Variants in RELT observed in about 807,000 individuals in gnomAD.
RELT encodes tumor necrosis factor receptor superfamily member 19L.
A neutral mutation model predicts 51.1 loss-of-function variants in RELT; 37 were observed. The ratio of observed to expected loss-of-function variants is 0.72; its 90% CI spans 0.56 to 0.95. RELT has a LOEUF of 0.95. Ranked by LOEUF, RELT falls within the 40% of genes least tolerant of loss-of-function variation. The pLI is 0.00. For missense variants in RELT, 535 were observed against 572.6 expected (o/e 0.93, Z 0.67); for synonymous variants, 241 against 235.7 (o/e 1.02, Z -0.21).
rs1362863635 is a variant in RELT at position 73,389,175 on chromosome 11, C to T, written c.39C>T (p.Phe13=). Residue 13 remains phenylalanine, a synonymous_variant, in exon 2 of 11, where the codon TTC becomes TTT. Coordinates refer to ENST00000064780, the MANE Select transcript of RELT (RefSeq NM_152222.2). The part of the protein sequence containing the change: ...PSLLCRPLSC[F]LMLLPWPLAT... ...TGCTGTGCCGGCCCCTGTCCTGCTT[C>T]CTTATGGTGAGCTGGGGATGGGCCC... 3.2e-5 allele frequency: 49 copies of T among 1,548,018 alleles called. No individual in the cohort carries two copies. The highest frequency in any genetic ancestry group is 4.1e-5 in the Non-Finnish European group (47 of 1,146,184).
chr11:73,384,809 G>A (rs899802809), intron 1 of RELT, among the ~76,000 whole-genome samples: 6 of 152,226 alleles, frequency 3.9e-5, no homozygotes, highest in Non-Finnish European at 7.3e-5. Flanking sequence ...CAGGCAGCTC[G>A]TGGTGGGGAA....
At chr11:73,391,352 C>A in intron 5 of RELT, 129 bp downstream of exon 5, 1 of 840,870 alleles carries the variant, frequency 1.2e-6, no homozygotes, top group Middle Eastern at 3.4e-4. Context: ...CAGGGCAGGG[C>A]GTGCAGCCAA....
intron 1 of RELT, among the ~76,000 whole-genome samples, chr11:73,386,193 G>A (rs1327757826): frequency 6.6e-6 from 1 of 152,166 alleles, no homozygotes; most frequent in South Asian, 2.1e-4. Flanking sequence ...TGGGAGGAGT[G>A]GCCTCTAAGC....
At position 73,392,369 on chromosome 11, in the gene RELT, G is replaced by C; in HGVS notation, c.526G>C (p.Gly176Arg). 6.2e-7 allele frequency: 1 copy of C among 1,613,898 alleles called. No individual in the cohort carries two copies. The highest frequency in any genetic ancestry group is 2.2e-5 in the East Asian group (1 of 44,878). ...IAIVPVFCLM[G>R]LLGILVCNLL... is the part of the protein sequence containing the mutation. ...CATCGTCCCTGTCTTCTGCCTCATGGGGCTGTTGGGCATCCTGGTGTGCAA... is the reference window on the plus strand; with the variant it reads ...CATCGTCCCTGTCTTCTGCCTCATGCGGCTGTTGGGCATCCTGGTGTGCAA... Residue 176 changes from glycine to arginine, a missense_variant, in exon 6 of 11, where the codon GGG becomes CGG. By Grantham distance (125) the Gly-to-Arg change is moderately radical. Transcript: ENST00000064780.
In RELT at chr11:73,394,635, C is replaced by A; in HGVS notation, c.947C>A (p.Thr316Asn). 1 of 1,613,836 alleles carries A rather than the reference C, an allele frequency of 6.2e-7. No individual in the cohort carries two copies. ...CTGTCCCCTGAGGCTGTAGCCGCCACTACTCCTGTTCCCAGCCTTCTGCCT... is the reference window on the plus strand; with the variant it reads ...CTGTCCCCTGAGGCTGTAGCCGCCAATACTCCTGTTCCCAGCCTTCTGCCT... ...VLLSPEAVAA[T>N]TPVPSLLPNP... The change falls in exon 9 of 11, where the codon ACT becomes AAT. Residue 316 changes from threonine (T) to asparagine (N), a missense_variant. Coordinates refer to ENST00000064780, the MANE Select transcript of RELT (RefSeq NM_152222.2). The surrounding 1 kb of genome is among the most constrained non-coding windows in gnomAD (Gnocchi z 4.9).
chr11:73,388,543 G>C lies in RELT; in HGVS notation c.-25-569G>C, dbSNP rs770049203. 6.6e-6 allele frequency among the ~76,000 whole-genome samples: 1 copy of C among 152,212 alleles called. No homozygotes were observed. The highest frequency in any genetic ancestry group is 1.5e-5 in the Non-Finnish European group (1 of 68,012). On this transcript the variant is annotated intron_variant, in intron 1 of 10. Coordinates refer to ENST00000064780, the MANE Select transcript of RELT (RefSeq NM_152222.2). This position sits in a 1 kb window ranked among gnomAD's most constrained non-coding sequence, Gnocchi z 4.1. ...GGGAGCCAGACCCACTTTGGGGAAAGCTTCTAGAGAAGCTTCTGGAAAGAG... is the reference window on the plus strand; with the variant it reads ...GGGAGCCAGACCCACTTTGGGGAAACCTTCTAGAGAAGCTTCTGGAAAGAG...
At chr11:73,389,801 T>G (rs1866181902) in intron 2 of RELT, among the ~76,000 whole-genome samples, 1 of 152,218 alleles carries the variant, frequency 6.6e-6, no homozygotes, top group Admixed American at 6.5e-5. Flanking sequence ...GGAGCCGCTC[T>G]GGGGTCTGAG....
intron 1 of RELT, among the ~76,000 whole-genome samples, chr11:73,387,816 G>A (rs943441471): frequency 1.3e-5 from 2 of 152,194 alleles, no homozygotes; most frequent in African/African-American, 2.4e-5. Flanking sequence ...CACAGGAGGC[G>A]CTTTTCTCAC....
At chr11:73,381,251 G>A (rs1488539812) in intron 1 of RELT, among the ~76,000 whole-genome samples, 1 of 152,192 alleles carries the variant, frequency 6.6e-6, no homozygotes, top group Non-Finnish European at 1.5e-5. Flanking sequence ...ACAGACAGAG[G>A]GGGACAGCGG....
intron 1 of RELT, chr11:73,384,281 C>G (rs1866090444): frequency 6.6e-6 from 1 of 152,364 alleles, no homozygotes; most frequent in African/African-American, 2.4e-5. Flanking sequence ...GACCTGAGCA[C>G]TGCCCACCAA....
intron 2 of RELT, 122 bp downstream of exon 2, chr11:73,389,303 C>T (rs376771725): frequency 8.7e-5 from 55 of 630,210 alleles, no homozygotes; most frequent in Middle Eastern, 3.0e-4. Flanking sequence ...TTACTCAGCT[C>T]GTCAAGAATC....
In RELT at chr11:73,378,841, G is replaced by T. The variant is rs187054007; in HGVS notation, c.-26+2342G>T. Among the ~76,000 whole-genome samples the T allele has an allele frequency of 5.3e-4, 81 of 152,362 alleles. 1 individual carries two copies. The highest frequency in any genetic ancestry group is 1.9e-3 in the African/African-American group (78 of 41,594). ...TTGGGGGTGTCCCCATGGCTTTGAA[G>T]AGTGTATGGAGTTAGCAGCACAGCC... On this transcript the variant is annotated intron_variant, in intron 1 of 10. Transcript: ENST00000064780.
intron 1 of RELT, among the ~76,000 whole-genome samples, chr11:73,384,000 C>T (rs975561821): frequency 6.6e-6 from 1 of 152,170 alleles, no homozygotes; most frequent in Admixed American, 6.5e-5. Context: ...TGTTTCCAGG[C>T]AACCCTAGCC....
chr11:73,380,837 A>AT (rs1388757430), intron 1 of RELT, among the ~76,000 whole-genome samples: 5 of 152,124 alleles, frequency 3.3e-5, no homozygotes, highest in African/African-American at 1.2e-4. Context: ...CTCAGGATCG[A>AT]TGGGGGAGCA....
chr11:73,390,115 G>A (rs1314348921), intron 2 of RELT, among the ~76,000 whole-genome samples: 1 of 152,182 alleles, frequency 6.6e-6, no homozygotes, highest in Non-Finnish European at 1.5e-5. Flanking sequence ...AGCGCCACCT[G>A]CAGACTTGGC....
At chr11:73,392,141 C>T (rs1279814526) in intron 5 of RELT, 70 bp from the exon 6 acceptor site, 3 of 1,536,814 alleles carry the variant, frequency 2.0e-6, no homozygotes, top group Non-Finnish European at 2.6e-6. Flanking sequence ...TGACTCGGGC[C>T]CTGGGCCCCT....
In RELT at chr11:73,390,939, C is replaced by A. The variant is rs755587108; in HGVS notation, c.287+18C>A. Reference sequence around the variant, plus strand: ...TGGCCTGGGTAAGCCAAAGGGAGTGCGGGGAGGGCTCCTGGCTGGGTGACC... The same window carrying A: ...TGGCCTGGGTAAGCCAAAGGGAGTGAGGGGAGGGCTCCTGGCTGGGTGACC... On this transcript the variant is annotated intron_variant, in intron 4 of 10. Transcript: ENST00000064780. The A allele has an allele frequency of 1.2e-6, 2 of 1,607,118 alleles. No individual in the cohort carries two copies. Among genetic ancestry groups the A allele is most frequent in the Non-Finnish European group, 1.7e-6 (2 of 1,178,202 alleles).
chr11:73,393,054 G>GC, intron 6 of RELT: 2 of 999,566 alleles, frequency 2.0e-6, no homozygotes, highest in Non-Finnish European at 2.4e-6. Flanking sequence ...CACACACCCT[G>GC]CCCTGGGCCC....
At chr11:73,379,693 C>A (rs1866021981) in intron 1 of RELT, among the ~76,000 whole-genome samples, 1 of 152,218 alleles carries the variant, frequency 6.6e-6, no homozygotes, top group African/African-American at 2.4e-5. Context: ...CCAAGACACA[C>A]CTTCTGGACG....
Sources: gnomAD v4.1 joint callset for allele counts (sites outside exome capture counted in the v4.1 genomes callset) on GRCh38, gnomAD v4.1.1 for gene constraint, Gnocchi (gnomAD v3.1) non-coding constraint, MANE v1.5 for transcripts, NCBI Gene and HGNC (gene_info 2026-07-23, HGNC 2026-07-21) for gene names.